STARD7: variants seen among roughly 807,000 people sequenced by gnomAD.
STARD7 encodes the protein StAR related lipid transfer domain containing 7.
In STARD7, 30 loss-of-function variants were observed where a neutral mutation model predicts 45.3. The observed-to-expected ratio is 0.66, with a 90% CI of 0.50 to 0.90. The LOEUF (loss-of-function observed/expected upper bound fraction) is 0.90, where lower values mean the gene tolerates loss of function less well. Ranked by LOEUF, STARD7 falls within the 40% of genes least tolerant of loss-of-function variation. The pLI is 0.00. For missense variants in STARD7, 495 were observed against 491.3 expected, an observed-to-expected ratio of 1.01 and a Z score of -0.07; for synonymous variants, 199 against 183.0, an observed-to-expected ratio of 1.09 and a Z score of -0.70.
chr2:96,207,220 T>C (rs1015247572), intron 1 of STARD7, among the ~76,000 whole-genome samples: 13 of 152,240 alleles, frequency 8.5e-5, no homozygotes, highest in Non-Finnish European at 1.6e-4. Flanking sequence ...TTTCCATTTT[T>C]AACCTAACAA....
At chr2:96,190,178 C>T (rs776755360) in intron 6 of STARD7, among the ~76,000 whole-genome samples, 4 of 152,058 alleles carry the variant, frequency 2.6e-5, no homozygotes, top group African/African-American at 7.2e-5. Context: ...ACAAGATGAA[C>T]CTACAACATC....
chr2:96,208,661 G>A lies in STARD7; in HGVS notation c.-227C>T. The A allele has an allele frequency of 2.2e-6, 1 of 460,274 alleles. No individual in the cohort carries two copies. Among genetic ancestry groups the A allele is most frequent in the Non-Finnish European group, 3.8e-6 (1 of 263,652 alleles). The allele number at this position is 460,274 out of a possible 1,614,324, so 28.5% of individuals were successfully genotyped here. ...CAGACGCCGGGATGGCTCCGCGACT[G>A]CTACACCAGGCACTCCTGGGCCCGG... On this transcript the variant is annotated 5_prime_UTR_variant, in exon 1 of 8. Coordinates refer to ENST00000337288, the MANE Select transcript of STARD7 (RefSeq NM_020151.4).
intron 6 of STARD7, chr2:96,188,232 G>C (rs1301302483): frequency 1.4e-5 from 2 of 138,220 alleles, no homozygotes; most frequent in Non-Finnish European, 3.1e-5. Flanking sequence ...CACAGATTGA[G>C]CCACTGTACT....
rs1274258686 is a variant in STARD7, at chr2:96,201,778, A to AG, written c.291-6230dup. On this transcript the variant is annotated intron_variant, in intron 1 of 7. Transcript: ENST00000337288. ...GTGCCACTGCACTCCAGCCTGGGTG[A>AG]GAGTGAAACTGTCTCAAAAATATAT... 3.9e-5 allele frequency among the ~76,000 whole-genome samples: 6 copies of AG among 152,308 alleles called. No homozygotes were observed. In the East Asian group the frequency reaches 1.2e-3, roughly 29 times the overall value.
chr2:96,188,675 G>C (rs1420076700), intron 6 of STARD7, among the ~76,000 whole-genome samples: 2 of 151,732 alleles, frequency 1.3e-5, no homozygotes, highest in Non-Finnish European at 2.9e-5. Flanking sequence ...CCTGAGGTCA[G>C]GAGTTTGAGA....
At position 96,195,469 on chromosome 2, in the gene STARD7, G is replaced by C; in HGVS notation, c.371C>G (p.Pro124Arg). ...SSGVQHHPPE[P>R]KAQTEGNEDS... The stretch of plus-strand genomic sequence containing the variant: ...TTCATTCCCTTCTGTTTGGGCTTTT[G>C]GTTCTGGAGGGTGGTGCTGGACTCC... Residue 124 changes from proline (P) to arginine (R), a missense_variant, in exon 2 of 8, where the codon CCA becomes CGA. Coordinates refer to ENST00000337288, the MANE Select transcript of STARD7 (RefSeq NM_020151.4). 1 of 1,613,738 alleles carries C rather than the reference G, an allele frequency of 6.2e-7. No individual in the cohort carries two copies. Among genetic ancestry groups the C allele is most frequent in the Non-Finnish European group, 8.5e-7 (1 of 1,179,796 alleles).
chr2:96,199,730 G>C (rs1240131537), intron 1 of STARD7, among the ~76,000 whole-genome samples: 1 of 152,164 alleles, frequency 6.6e-6, no homozygotes, highest in Non-Finnish European at 1.5e-5. Context: ...TCCTCATCTT[G>C]TTCCTGATCT....
At chr2:96,193,822 C>A (rs1683162827) in intron 3 of STARD7, among the ~76,000 whole-genome samples, 1 of 152,168 alleles carries the variant, frequency 6.6e-6, no homozygotes, top group African/African-American at 2.4e-5. Flanking sequence ...ATACATAAAA[C>A]CAACAAAAAT....
At chr2:96,197,068 A>ACT (rs1318290451) in intron 1 of STARD7, among the ~76,000 whole-genome samples, 3 of 96,228 alleles carry the variant, frequency 3.1e-5, no homozygotes, top group African/African-American at 1.1e-4. Context: ...CTCCGTCTCA[A>ACT]AATAAAATAA....
intron 7 of STARD7, 119 bp from the exon 8 acceptor site, chr2:96,187,033 G>C: frequency 9.8e-7 from 1 of 1,023,798 alleles, no homozygotes; most frequent in South Asian, 1.7e-5. Context: ...ATCACAACCT[G>C]ACTAGCCTGT....
rs376428368 is a variant in STARD7, at chr2:96,186,683, C to T, written c.*47G>A. The T allele has an allele frequency of 1.3e-6, 2 of 1,482,374 alleles. No individual in the cohort carries two copies. Among genetic ancestry groups the T allele is most frequent in the African/African-American group, 2.8e-5 (2 of 71,330 alleles). The allele number at this position is 1,482,374 out of a possible 1,614,324, so 91.8% of individuals were successfully genotyped here. On this transcript the variant is annotated 3_prime_UTR_variant, in exon 8 of 8. Transcript: ENST00000337288. Reference sequence around the variant, plus strand: ...CCTTCTACAGCAGAGTGATAACGGACTGAGACAGGGCTAGAAGCACCTTGT... The same window carrying T: ...CCTTCTACAGCAGAGTGATAACGGATTGAGACAGGGCTAGAAGCACCTTGT...
At chr2:96,201,202 A>G (rs756869973) in intron 1 of STARD7, among the ~76,000 whole-genome samples, 1 of 152,110 alleles carries the variant, frequency 6.6e-6, no homozygotes, top group Non-Finnish European at 1.5e-5. Context: ...TAAACATTAC[A>G]TACATTACAT....
At chr2:96,188,502 C>T (rs960799250) in intron 6 of STARD7, among the ~76,000 whole-genome samples, 8 of 151,084 alleles carry the variant, frequency 5.3e-5, no homozygotes, top group Admixed American at 2.0e-4. Flanking sequence ...CTCGAACTCC[C>T]GACCTCAAGT....
intron 1 of STARD7, among the ~76,000 whole-genome samples, chr2:96,198,857 G>A (rs936543879): frequency 6.6e-6 from 1 of 152,158 alleles, no homozygotes; most frequent in African/African-American, 2.4e-5. Flanking sequence ...TAATGTTTGT[G>A]TATGATAATG....
Position 96,208,530 on chromosome 2 carries a change from G to A in STARD7, c.-96C>T. The A allele has an allele frequency of 8.8e-7, 1 of 1,131,216 alleles. No individual in the cohort carries two copies. The highest frequency in any genetic ancestry group is 1.2e-6 in the Non-Finnish European group (1 of 863,994). 70.1% of individuals were successfully genotyped at this position (1,131,216 alleles called of 1,614,324 possible). On this transcript the variant is annotated 5_prime_UTR_variant, in exon 1 of 8. Coordinates refer to ENST00000337288, the MANE Select transcript of STARD7 (RefSeq NM_020151.4). ...GTCGCAGCGTCCCCCTAAATGGCCG[G>A]CCACGAACCCGTCTCACGGTCCCGC... is the stretch of plus-strand genomic sequence containing the variant.
At chr2:96,199,133 T>C (rs1683268879) in intron 1 of STARD7, among the ~76,000 whole-genome samples, 1 of 152,238 alleles carries the variant, frequency 6.6e-6, no homozygotes, top group African/African-American at 2.4e-5. Flanking sequence ...TTGTTCTCTT[T>C]TTTCAAGACT....
At chr2:96,192,825 G>A (rs759758574) in intron 5 of STARD7, among the ~76,000 whole-genome samples, 1 of 152,090 alleles carries the variant, frequency 6.6e-6, no homozygotes, top group Non-Finnish European at 1.5e-5. Flanking sequence ...TAGGCTGTGG[G>A]TCAAAAACAA....
chr2:96,195,855 G>A (rs1481805286), intron 1 of STARD7, among the ~76,000 whole-genome samples: 1 of 152,016 alleles, frequency 6.6e-6, no homozygotes, highest in Admixed American at 6.6e-5. Flanking sequence ...GGTGGCTCAC[G>A]ACTGTAATCT....
At chr2:96,195,201 T>C (rs1683183118) in intron 2 of STARD7, 140 bp downstream of exon 2, 1 of 854,126 alleles carries the variant, frequency 1.2e-6, no homozygotes, top group Non-Finnish European at 1.8e-6. Context: ...ATTTGTCATC[T>C]GGGAGAAGAA....
Sources: gnomAD v4.1 joint callset for allele counts (sites outside exome capture counted in the v4.1 genomes callset) on GRCh38, gnomAD v4.1.1 for gene constraint, MANE v1.5 for transcripts, NCBI Gene and HGNC (gene_info 2026-07-23, HGNC 2026-07-21) for gene names.